Variants in KANK4 observed in about 807,000 individuals in gnomAD.
KANK4 encodes the protein KN motif and ankyrin repeat domain-containing protein 4.
In KANK4, 50 loss-of-function variants were observed where a neutral mutation model predicts 80.8. That is an observed-to-expected ratio of 0.62 (90% CI 0.49 to 0.78). The LOEUF (loss-of-function observed/expected upper bound fraction) is 0.78. Among genes scored for constraint, KANK4 ranks in the 30% least tolerant of loss-of-function variants. The probability of loss-of-function intolerance (pLI) is 0.00; values close to 1 mark genes in which losing one functional copy is unlikely to be tolerated. For synonymous variants in KANK4, 465 were observed against 506.9 expected (o/e 0.92, Z 1.11); for missense variants, 1,196 against 1,240.1 (o/e 0.96, Z 0.53).
At chr1:62,298,567 C>T (rs574440992) in intron 1 of KANK4, among the ~76,000 whole-genome samples, 2 of 152,262 alleles carry the variant, frequency 1.3e-5, no homozygotes, top group South Asian at 4.2e-4. Flanking sequence ...GGAAGGAGCT[C>T]AACAGCCCTA....
chr1:62,273,501 T>TCCC lies in KANK4; in HGVS notation c.1600_1602dup (p.Gly534dup). ...GGGAGATTGGAACTGGTCTCCTCCC[T>TCCC]CCCTGCTGGGGGAGTCTTTCTGTCG... is the stretch of plus-strand genomic sequence containing the variant. On this transcript the variant is annotated inframe_insertion, in exon 3 of 10. Coordinates refer to ENST00000371153, the MANE Select transcript of KANK4 (RefSeq NM_181712.5). The TCCC allele has an allele frequency of 3.1e-6, 5 of 1,613,906 alleles. No individual in the cohort carries two copies. The highest frequency in any genetic ancestry group is 4.2e-6 in the Non-Finnish European group (5 of 1,179,854).
At chr1:62,298,839 T>TGGTA (rs1557505446) in intron 1 of KANK4, among the ~76,000 whole-genome samples, 1 of 152,188 alleles carries the variant, frequency 6.6e-6, no homozygotes, top group African/African-American at 2.4e-5. Flanking sequence ...TTGTTATTAT[T>TGGTA]TATTGAGAGT....
At chr1:62,273,157 A>G in intron 3 of KANK4, 47 bp downstream of exon 3, 7 of 1,293,262 alleles carry the variant, frequency 5.4e-6, no homozygotes, top group Non-Finnish European at 7.3e-6. Flanking sequence ...TATCATGTGA[A>G]GGAGAAATGG....
Position 62,257,108 on chromosome 1 carries a change from G to T in KANK4, c.2540-3899C>A, listed in dbSNP as rs146437691. ...TTATTTATTTACTTATTATTTTTGA[G>T]ATGGAGTCTCACTCTATTGCCCAGG... On this transcript the variant is annotated intron_variant, in intron 7 of 9. Transcript: ENST00000371153. Among the ~76,000 whole-genome samples the T allele has an allele frequency of 2.2e-3, 336 of 152,200 alleles. 1 individual carries two copies. Among genetic ancestry groups the T allele is most frequent in the East Asian group, 0.014 (74 of 5,166 alleles).
At chr1:62,256,974 A>C (rs1051491865) in intron 7 of KANK4, among the ~76,000 whole-genome samples, 2 of 152,196 alleles carry the variant, frequency 1.3e-5, no homozygotes, top group African/African-American at 4.8e-5. Context: ...TCAGCTTATC[A>C]GTTCTCTTTT....
intron 1 of KANK4, among the ~76,000 whole-genome samples, chr1:62,316,754 G>A (rs1644544601): frequency 6.6e-6 from 1 of 152,176 alleles, no homozygotes; most frequent in Non-Finnish European, 1.5e-5. Context: ...ATACTGGACA[G>A]GACAGTTTCC....
At chr1:62,239,152 T>C (rs1167356635) in intron 9 of KANK4, among the ~76,000 whole-genome samples, 5 of 152,138 alleles carry the variant, frequency 3.3e-5, no homozygotes, top group African/African-American at 1.2e-4. Flanking sequence ...CCCACCCACA[T>C]TGGCTTTCCA....
intron 1 of KANK4, among the ~76,000 whole-genome samples, chr1:62,283,556 T>C (rs1480493425): frequency 6.6e-6 from 1 of 152,072 alleles, no homozygotes; most frequent in African/African-American, 2.4e-5. Context: ...GATCTTTAAT[T>C]CCCCCTGTGA....
At chr1:62,276,988 T>G (rs1483611236) in intron 2 of KANK4, among the ~76,000 whole-genome samples, 13 of 152,180 alleles carry the variant, frequency 8.5e-5, no homozygotes, top group Admixed American at 7.9e-4. Context: ...TAGTAGGCCC[T>G]AGGTTAAAAT....
chr1:62,280,742 A>C (rs984270652), intron 2 of KANK4, among the ~76,000 whole-genome samples: 1 of 152,214 alleles, frequency 6.6e-6, no homozygotes, highest in Non-Finnish European at 1.5e-5. Context: ...CTTTCCATGC[A>C]TTACGTAATT....
chr1:62,266,503 C>G (rs1672023998), intron 6 of KANK4, among the ~76,000 whole-genome samples: 1 of 150,418 alleles, frequency 6.6e-6, no homozygotes, highest in African/African-American at 2.4e-5. Flanking sequence ...CACACACACA[C>G]CACTCACACC....
intron 1 of KANK4, among the ~76,000 whole-genome samples, chr1:62,315,069 A>G (rs1644528458): frequency 6.6e-6 from 1 of 152,144 alleles, no homozygotes; most frequent in Non-Finnish European, 1.5e-5. Flanking sequence ...ACTTTGAAAT[A>G]TTATCTGTGT....
Position 62,274,215 on chromosome 1 carries a change from C to T in KANK4, c.889G>A (p.Glu297Lys), listed in dbSNP as rs1326603746. Residue 297 changes from glutamate to lysine, a missense_variant, in exon 3 of 10, where the codon GAG (glutamate) becomes AAG (lysine). Transcript: ENST00000371153. ...PPLPSPIPEN[E>K]LLLEEIELNI... is the part of the protein sequence containing the mutation. ...AGCTCGATTTCTTCCAGGAGGAGCT[C>T]ATTCTCAGGGATGGGTGATGGCAGA... The T allele has an allele frequency of 6.2e-7, 1 of 1,614,108 alleles. No homozygotes were observed. Among genetic ancestry groups the T allele is most frequent in the Admixed American group, 1.7e-5 (1 of 60,018 alleles).
chr1:62,291,784 T>C (rs911779604), intron 1 of KANK4, among the ~76,000 whole-genome samples: 4 of 152,168 alleles, frequency 2.6e-5, no homozygotes, highest in African/African-American at 9.7e-5. Context: ...ATCTTGTATT[T>C]TTAGTAGAGA....
chr1:62,278,397 CTTTTT>C (rs199777200), intron 2 of KANK4, among the ~76,000 whole-genome samples: 2 of 29,214 alleles, frequency 6.8e-5, no homozygotes, highest in Admixed American at 4.3e-4. Context: ...TTCTTTCTTT[CTTTTT>C]TTTTTTTGAG....
At chr1:62,246,457 T>C (rs1039390310) in intron 9 of KANK4, among the ~76,000 whole-genome samples, 3 of 152,158 alleles carry the variant, frequency 2.0e-5, no homozygotes, top group Admixed American at 6.5e-5. Context: ...GCCCACATGC[T>C]GTTATTGCCA....
intron 1 of KANK4, among the ~76,000 whole-genome samples, chr1:62,303,794 TA>T (rs1433761697): frequency 8.5e-5 from 13 of 152,246 alleles, no homozygotes; most frequent in Non-Finnish European, 1.8e-4. Flanking sequence ...TAAAATATAT[TA>T]AAATTAATTT....
Position 62,278,312 on chromosome 1 carries a change from A to C in KANK4, c.17-3225T>G, listed in dbSNP as rs1672356526. 3.5e-5 allele frequency among the ~76,000 whole-genome samples: 2 copies of C among 57,388 alleles called. 1 individual carries two copies. Among genetic ancestry groups the C allele is most frequent in the Non-Finnish European group, 5.8e-5 (2 of 34,458 alleles). 37.6% of individuals were successfully genotyped at this position (57,388 alleles called of 152,430 possible). Reference sequence around the variant, plus strand: ...CAAATGGTGGCATTTCCTGGGGCACATTTTCTTTCTTCCTTCCTTCCTTCC... The same window carrying C: ...CAAATGGTGGCATTTCCTGGGGCACCTTTTCTTTCTTCCTTCCTTCCTTCC... On this transcript the variant is annotated intron_variant, in intron 2 of 9. Coordinates refer to ENST00000371153, the MANE Select transcript of KANK4 (RefSeq NM_181712.5).
chr1:62,269,780 A>G (rs1672115805), intron 4 of KANK4, among the ~76,000 whole-genome samples: 1 of 152,180 alleles, frequency 6.6e-6, no homozygotes, highest in Non-Finnish European at 1.5e-5. Context: ...AAAACAATGA[A>G]TAAAATTTAA....
Sources: allele counts gnomAD v4.1 joint callset (sites outside exome capture counted in the v4.1 genomes callset), GRCh38; gene constraint gnomAD v4.1.1; transcripts MANE v1.5; gene names NCBI Gene and HGNC (gene_info 2026-07-23, HGNC 2026-07-21).